The following KYNU variants were observed in gnomAD, a reference collection of about 807,000 sequenced individuals.
KYNU encodes kynureninase.
A neutral mutation model predicts 59.2 loss-of-function variants in KYNU; 54 were observed. The observed-to-expected ratio is 0.91, with a 90% CI of 0.73 to 1.14. The LOEUF (loss-of-function observed/expected upper bound fraction) is 1.14, where lower values mean the gene tolerates loss of function less well. Ranked by LOEUF, KYNU falls within the 50% of genes most tolerant of loss-of-function variation. The probability of loss-of-function intolerance (pLI) is 0.00; values close to 1 mark genes in which losing one functional copy is unlikely to be tolerated. For missense variants in KYNU, 567 were observed against 554.4 expected, an observed-to-expected ratio of 1.02 and a Z score of -0.23; for synonymous variants, 177 against 192.0, an observed-to-expected ratio of 0.92 and a Z score of 0.65.
At chr2:142,961,882 T>A (rs550994382) in intron 8 of KYNU, among the ~76,000 whole-genome samples, 74 of 152,318 alleles carry the variant, frequency 4.9e-4, no homozygotes, top group African/African-American at 1.7e-3. Flanking sequence ...ATTAATAAGT[T>A]ATGGGATTAA....
chr2:143,040,402 T>C (rs372519726), intron 12 of KYNU, 26 bp from the exon 13 acceptor site: 2 of 1,549,262 alleles, frequency 1.3e-6, no homozygotes, highest in African/African-American at 2.7e-5. Flanking sequence ...TAAGACACTT[T>C]AATCTGATTG....
At chr2:142,917,362 A>T (rs957694293) in intron 2 of KYNU, among the ~76,000 whole-genome samples, 2 of 152,186 alleles carry the variant, frequency 1.3e-5, no homozygotes, top group Non-Finnish European at 2.9e-5. Context: ...AAAGCACAGG[A>T]GCCATGAAAA....
chr2:142,982,952 G>A (rs1057299834), intron 8 of KYNU, among the ~76,000 whole-genome samples: 17 of 152,032 alleles, frequency 1.1e-4, no homozygotes, highest in African/African-American at 3.4e-4. Context: ...CTAAGACCAA[G>A]TAAAGGATGT....
chr2:142,984,259 A>C (rs1232933200), intron 8 of KYNU, among the ~76,000 whole-genome samples: 1 of 152,072 alleles, frequency 6.6e-6, no homozygotes, highest in Non-Finnish European at 1.5e-5. Flanking sequence ...TCATATAATA[A>C]TTAGAAATTA....
intron 4 of KYNU, among the ~76,000 whole-genome samples, chr2:142,954,368 T>G (rs1225215154): frequency 1.3e-5 from 2 of 152,074 alleles, no homozygotes; most frequent in African/African-American, 4.8e-5. Context: ...TTCACAAAGT[T>G]TGCCTCCTTT....
At chr2:142,912,978 TG>T (rs1682546063) in intron 2 of KYNU, among the ~76,000 whole-genome samples, 1 of 152,162 alleles carries the variant, frequency 6.6e-6, no homozygotes, top group Non-Finnish European at 1.5e-5. Context: ...CCCAAAGTGC[TG>T]GGATTACAGG....
In KYNU at chr2:143,040,453, C is replaced by A. The variant is rs555569996; in HGVS notation, c.1067C>A (p.Ala356Glu). The change falls in exon 13 of 14, where the codon GCA becomes GAA. Residue 356 changes from alanine to glutamate, a missense_variant. Ala to Glu is a moderately radical substitution (Grantham distance 107, BLOSUM62 -1). Transcript: ENST00000264170. ...LEIFKQATMK[A>E]LRKKSVLLTG... ...ATCTTTAAGCAAGCGACAATGAAGG[C>A]ATTGCGGAAAAAATCTGTTTTGCTA... The A allele has an allele frequency of 4.3e-6, 7 of 1,612,514 alleles. No individual in the cohort carries two copies. The South Asian group carries it at 7.7e-5, about 18-fold the overall frequency.
At chr2:142,890,519 C>T (rs1402674804) in intron 2 of KYNU, among the ~76,000 whole-genome samples, 2 of 152,130 alleles carry the variant, frequency 1.3e-5, no homozygotes, top group East Asian at 1.9e-4. Flanking sequence ...GCTCTGTCAC[C>T]CAGGCTGGAG....
intron 13 of KYNU, among the ~76,000 whole-genome samples, chr2:143,040,874 T>G (rs1370223914): frequency 6.6e-6 from 1 of 152,066 alleles, no homozygotes; most frequent in African/African-American, 2.4e-5. Flanking sequence ...CAAACTTGGC[T>G]TATAGGAATA....
chr2:142,979,974 C>T lies in KYNU; in HGVS notation c.730-5110C>T, dbSNP rs146875050. ...GTCTACTCCATAGGCAGAGCAGCCC[C>T]GAGGACTGCTGGTTGCCCATTTTTA... On this transcript the variant is annotated intron_variant, in intron 8 of 13. Transcript: ENST00000264170. Among the ~76,000 whole-genome samples, 78 of 152,080 alleles carry T rather than the reference C, an allele frequency of 5.1e-4. 3 individuals carry two copies. The highest frequency in any genetic ancestry group is 2.9e-3 in the South Asian group (14 of 4,822).
At chr2:142,913,182 A>G (rs924498904) in intron 2 of KYNU, among the ~76,000 whole-genome samples, 2 of 152,094 alleles carry the variant, frequency 1.3e-5, no homozygotes, top group Admixed American at 6.6e-5. Flanking sequence ...ATGAATATTT[A>G]GGAGTTGATT....
At chr2:142,981,533 G>A (rs1685052096) in intron 8 of KYNU, among the ~76,000 whole-genome samples, 1 of 152,024 alleles carries the variant, frequency 6.6e-6, no homozygotes, top group Non-Finnish European at 1.5e-5. Flanking sequence ...CCTAGGTTGT[G>A]ATGACCTGAT....
chr2:142,911,043 C>G (rs1682464555), intron 2 of KYNU, among the ~76,000 whole-genome samples: 1 of 152,058 alleles, frequency 6.6e-6, no homozygotes, highest in African/African-American at 2.4e-5. Context: ...TTTGGCTATT[C>G]AGGCTCTTTA....
At chr2:143,038,022 CA>C (rs1686934826) in intron 12 of KYNU, among the ~76,000 whole-genome samples, 1 of 151,908 alleles carries the variant, frequency 6.6e-6, no homozygotes, top group Non-Finnish European at 1.5e-5. Flanking sequence ...TTTGTCATAC[CA>C]AAAAAATTGG....
chr2:142,886,172 C>G (rs776154545), intron 2 of KYNU, among the ~76,000 whole-genome samples: 1 of 152,086 alleles, frequency 6.6e-6, no homozygotes, highest in Non-Finnish European at 1.5e-5. Context: ...AATGATTCAT[C>G]ATATTTAGCT....
chr2:142,920,067 TAAA>T (rs143042203), intron 3 of KYNU, among the ~76,000 whole-genome samples: 1,542 of 152,130 alleles, frequency 0.01, 21 homozygotes, highest in African/African-American at 0.036. Flanking sequence ...TTCAATAAAA[TAAA>T]TAAATAAATA....
intron 10 of KYNU, among the ~76,000 whole-genome samples, chr2:143,017,319 A>C (rs1186333125): frequency 6.6e-6 from 1 of 152,070 alleles, no homozygotes; most frequent in Non-Finnish European, 1.5e-5. Context: ...GAAATATCCA[A>C]ACTGCTTTCC....
chr2:143,001,817 G>T (rs1685715028), intron 10 of KYNU, among the ~76,000 whole-genome samples: 1 of 152,154 alleles, frequency 6.6e-6, no homozygotes, highest in African/African-American at 2.4e-5. Flanking sequence ...CCTCAAAGTG[G>T]TGTTGTAAAA....
intron 1 of KYNU, among the ~76,000 whole-genome samples, chr2:142,883,285 C>G (rs865825713): frequency 5.6e-4 from 84 of 149,728 alleles, no homozygotes; most frequent in African/African-American, 2.0e-3. Flanking sequence ...GCTCCACCCC[C>G]CGGGGTTCAC....
Sources: allele counts gnomAD v4.1 joint callset (sites outside exome capture counted in the v4.1 genomes callset), GRCh38; gene constraint gnomAD v4.1.1; transcripts MANE v1.5; gene names NCBI Gene and HGNC (gene_info 2026-07-23, HGNC 2026-07-21).